The following CPA6 variants were observed in gnomAD, a reference collection of about 807,000 sequenced individuals.
CPA6 encodes the protein carboxypeptidase B.
A neutral mutation model predicts 63.3 loss-of-function variants in CPA6; 58 were observed. The ratio of observed to expected loss-of-function variants is 0.92; its 90% CI spans 0.74 to 1.14. The LOEUF (loss-of-function observed/expected upper bound fraction) is 1.14. Among genes scored for constraint, CPA6 ranks in the 50% most tolerant of loss-of-function variants. The probability of loss-of-function intolerance (pLI) is 0.00; values close to 1 mark genes in which losing one functional copy is unlikely to be tolerated. For synonymous variants in CPA6, 185 were observed against 179.0 expected (o/e 1.03, Z -0.27); for missense variants, 565 against 526.6 (o/e 1.07, Z -0.71).
At chr8:67,596,076 C>T (rs527310153) in intron 2 of CPA6, among the ~76,000 whole-genome samples, 1 of 152,216 alleles carries the variant, frequency 6.6e-6, no homozygotes, top group Admixed American at 6.5e-5. Context: ...TTATCATCTA[C>T]CCTTTGATGC....
At chr8:67,481,635 T>G (rs1193626464) in intron 8 of CPA6, among the ~76,000 whole-genome samples, 2 of 152,242 alleles carry the variant, frequency 1.3e-5, no homozygotes, top group Non-Finnish European at 2.9e-5. Flanking sequence ...ACTTCCATGC[T>G]GACCCTACAG....
intron 8 of CPA6, among the ~76,000 whole-genome samples, chr8:67,441,332 C>CTA (rs1587427874): frequency 1.3e-5 from 2 of 152,260 alleles, no homozygotes; most frequent in African/African-American, 4.8e-5. Flanking sequence ...ACTAAAAGAT[C>CTA]TATAATTTCA....
intron 1 of CPA6, among the ~76,000 whole-genome samples, chr8:67,628,819 C>G (rs930963708): frequency 6.6e-6 from 1 of 152,102 alleles, no homozygotes; most frequent in Non-Finnish European, 1.5e-5. Flanking sequence ...TATTTCTGGT[C>G]ATGAAAAAAT....
At chr8:67,659,796 T>C (rs560493413) in intron 1 of CPA6, among the ~76,000 whole-genome samples, 32 of 152,342 alleles carry the variant, frequency 2.1e-4, no homozygotes, top group African/African-American at 7.5e-4. Context: ...TATTTTCACA[T>C]TTATCATAAG....
At chr8:67,422,909 G>A (rs1025048350) in intron 10 of CPA6, among the ~76,000 whole-genome samples, 1 of 152,160 alleles carries the variant, frequency 6.6e-6, no homozygotes, top group East Asian at 1.9e-4. Context: ...CAGTCTACGT[G>A]TGAATGCCTT....
chr8:67,669,873 A>G (rs1333447166), intron 1 of CPA6, among the ~76,000 whole-genome samples: 1 of 152,116 alleles, frequency 6.6e-6, no homozygotes, highest in East Asian at 1.9e-4. Context: ...CCAGCACTTC[A>G]GTATCTGTAA....
intron 1 of CPA6, among the ~76,000 whole-genome samples, chr8:67,743,402 T>G (rs946016679): frequency 1.3e-5 from 2 of 152,148 alleles, no homozygotes; most frequent in East Asian, 3.9e-4. Flanking sequence ...GACACAGGCA[T>G]GCAATGTAAA....
At chr8:67,691,278 G>T (rs973357325) in intron 1 of CPA6, among the ~76,000 whole-genome samples, 17 of 152,184 alleles carry the variant, frequency 1.1e-4, no homozygotes, top group Admixed American at 1.3e-4. Context: ...GAGGTTGGTG[G>T]TGACTATCAA....
chr8:67,596,945 C>T (rs1339787848), intron 2 of CPA6, among the ~76,000 whole-genome samples: 1 of 152,128 alleles, frequency 6.6e-6, no homozygotes, highest in East Asian at 1.9e-4. Context: ...GTGATATGTC[C>T]TTCTCAGTGC....
At chr8:67,510,685 T>A (rs1273132604) in intron 4 of CPA6, among the ~76,000 whole-genome samples, 5 of 152,174 alleles carry the variant, frequency 3.3e-5, no homozygotes, top group Admixed American at 3.3e-4. Context: ...TTTGTTCAAT[T>A]CAGAGGAAGC....
At chr8:67,462,412 C>T (rs991504169) in intron 8 of CPA6, among the ~76,000 whole-genome samples, 3 of 152,130 alleles carry the variant, frequency 2.0e-5, no homozygotes, top group Admixed American at 6.5e-5. Flanking sequence ...TTAACTAGTC[C>T]TCTGTTGAGC....
At chr8:67,745,051 A>G (rs1320037725) in intron 1 of CPA6, among the ~76,000 whole-genome samples, 1 of 152,202 alleles carries the variant, frequency 6.6e-6, no homozygotes, top group Non-Finnish European at 1.5e-5. Context: ...CACTATTTCT[A>G]AAAAGAACAA....
chr8:67,570,324 C>A (rs1157810115), intron 2 of CPA6, among the ~76,000 whole-genome samples: 1 of 152,154 alleles, frequency 6.6e-6, no homozygotes, highest in Non-Finnish European at 1.5e-5. Context: ...AAAGGGAGTT[C>A]TTTAAACTGA....
At chr8:67,473,877 G>C (rs34397090) in intron 8 of CPA6, among the ~76,000 whole-genome samples, 57,692 of 151,980 alleles carry the variant, frequency 0.38, 11,256 homozygotes, top group Middle Eastern at 0.48. Flanking sequence ...AAAGTGCTGG[G>C]ATTACGGGCT....
intron 8 of CPA6, among the ~76,000 whole-genome samples, chr8:67,465,421 G>A (rs753427728): frequency 4.6e-5 from 7 of 152,090 alleles, no homozygotes; most frequent in Non-Finnish European, 8.8e-5. Flanking sequence ...AGTTTTCTAG[G>A]TATAGAATCA....
rs781322414 is a variant in CPA6 at position 67,422,578 on chromosome 8, T to C, written c.1240A>G (p.Ile414Val). 37 of 1,614,046 alleles carry C rather than the reference T, an allele frequency of 2.3e-5. 1 individual carries two copies. In the South Asian group the frequency reaches 3.7e-4, roughly 16 times the overall value. Residue 414 changes from isoleucine to valine, a missense_variant, in exon 11 of 11, where the codon ATC becomes GTC. Ile to Val is a conservative substitution (Grantham distance 29). Transcript: ENST00000297770. ...ATAGTTTCTGTACAGGTGGGTTTGA[T>C]GAGCATCTCTGGGAGTAAAAATCCA... is the stretch of plus-strand genomic sequence containing the variant. ...YFGFLLPEML[I>V]KPTCTETMLA...
chr8:67,613,116 A>G (rs558366235), intron 2 of CPA6, among the ~76,000 whole-genome samples: 1 of 152,214 alleles, frequency 6.6e-6, no homozygotes, highest in South Asian at 2.1e-4. Flanking sequence ...CACTTCCTCC[A>G]TAAAACTTCG....
chr8:67,533,504 G>A (rs7831538), intron 2 of CPA6, among the ~76,000 whole-genome samples: 50,121 of 151,912 alleles, frequency 0.33, 8,852 homozygotes, highest in African/African-American at 0.45. Context: ...AAATGAATTC[G>A]GGCACTATAG....
chr8:67,546,899 A>C (rs534601584), intron 2 of CPA6, among the ~76,000 whole-genome samples: 1 of 152,116 alleles, frequency 6.6e-6, no homozygotes, highest in South Asian at 2.1e-4. Context: ...ATTACAGCTC[A>C]CGGTGGCCTC....
Sources: gnomAD v4.1 joint callset for allele counts (sites outside exome capture counted in the v4.1 genomes callset) on GRCh38, gnomAD v4.1.1 for gene constraint, MANE v1.5 for transcripts, NCBI Gene and HGNC (gene_info 2026-07-23, HGNC 2026-07-21) for gene names.